Variants in KCNE1 observed in about 807,000 individuals in gnomAD.
The protein encoded by KCNE1 is potassium voltage-gated channel subfamily E regulatory subunit 1.
Under a neutral mutation model 2.9 loss-of-function variants are expected in KCNE1, and 1 was observed. The observed-to-expected ratio is 0.34, with a 90% CI of 0.12 to 1.62. The LOEUF is 1.62. Ranked by LOEUF, KCNE1 falls within the 40% of genes most tolerant of loss-of-function variation. KCNE1 has a pLI of 0.36. For synonymous variants in KCNE1, 23 were observed against 65.4 expected, an observed-to-expected ratio of 0.35 and a Z score of 3.13; for missense variants, 45 against 150.5, an observed-to-expected ratio of 0.30 and a Z score of 3.67.
chr21:34,505,040 C>A (rs1240470975), intron 2 of KCNE1, among the ~76,000 whole-genome samples: 1 of 152,210 alleles, frequency 6.6e-6, no homozygotes. Context: ...TGATCATACA[C>A]ATTAAATGGG....
At chr21:34,499,008 C>T (rs1352290605) in intron 2 of KCNE1, among the ~76,000 whole-genome samples, 1 of 152,140 alleles carries the variant, frequency 6.6e-6, no homozygotes, top group Non-Finnish European at 1.5e-5. Flanking sequence ...AGAGAAATAT[C>T]CATCATGTGG....
Position 34,498,594 on chromosome 21 carries a change from C to T in KCNE1, c.-162+12507G>A, listed in dbSNP as rs535293663. 2.6e-5 allele frequency among the ~76,000 whole-genome samples: 4 copies of T among 152,316 alleles called. No homozygotes were observed. In the East Asian group the frequency reaches 5.8e-4, roughly 22 times the overall value. ...AGCCATAGCTACCAGCACCTGCTCT[C>T]GTGGAGGTGGCCAGGGAATGAAGTA... is the stretch of plus-strand genomic sequence containing the variant. On this transcript the variant is annotated intron_variant, in intron 2 of 3. Coordinates refer to ENST00000399286, the MANE Select transcript of KCNE1 (RefSeq NM_000219.6).
At chr21:34,500,338 TC>T (rs1983089232) in intron 2 of KCNE1, among the ~76,000 whole-genome samples, 1 of 152,262 alleles carries the variant, frequency 6.6e-6, no homozygotes, top group African/African-American at 2.4e-5. Flanking sequence ...TGTAACACTT[TC>T]TGTTCCCAGA....
intron 2 of KCNE1, among the ~76,000 whole-genome samples, chr21:34,508,098 C>A (rs565533433): frequency 1.3e-5 from 2 of 152,004 alleles, no homozygotes; most frequent in South Asian, 4.1e-4. Flanking sequence ...GCAATCTCAG[C>A]TCAACACAAA....
intron 2 of KCNE1, among the ~76,000 whole-genome samples, chr21:34,505,294 C>T (rs371140134): frequency 1.4e-4 from 22 of 152,208 alleles, no homozygotes; most frequent in African/African-American, 5.1e-4. Context: ...ACACCACACC[C>T]GACTAATCTT....
chr21:34,499,146 G>T (rs769760210), intron 2 of KCNE1, among the ~76,000 whole-genome samples: 2 of 152,182 alleles, frequency 1.3e-5, no homozygotes, highest in Non-Finnish European at 2.9e-5. Flanking sequence ...GGCTGCGTCT[G>T]TTGCATTATA....
In KCNE1 at chr21:34,449,248, TG is replaced by T; in HGVS notation, c.386del (p.Pro129HisfsTer17). The T allele has an allele frequency of 1.2e-6, 1 of 860,874 alleles. No individual in the cohort carries two copies. Among genetic ancestry groups the T allele is most frequent in the Non-Finnish European group, 1.9e-6 (1 of 527,554 alleles). The allele number at this position is 860,874 out of a possible 1,614,324, so 53.3% of individuals were successfully genotyped here. ...CAGTTTTAGCCAGTGGTGGGGTTCA[TG>T]GGGAAGGCTTCGTCTCAGGAAGGTG... The part of the protein sequence containing the change: ...NTHLPETKPS[P>X] On this transcript the variant is annotated frameshift_variant, in exon 4 of 4. Transcript: ENST00000399286. LOFTEE classifies it high-confidence loss of function.
At chr21:34,508,190 CT>C (rs796940352) in intron 2 of KCNE1, among the ~76,000 whole-genome samples, 11,173 of 137,500 alleles carry the variant, frequency 0.081, 524 homozygotes, top group African/African-American at 0.14. Flanking sequence ...CCACTCCTAG[CT>C]TTTTTTTTTT....
At chr21:34,507,686 T>C (rs1483770536) in intron 2 of KCNE1, among the ~76,000 whole-genome samples, 1 of 152,170 alleles carries the variant, frequency 6.6e-6, no homozygotes, top group Non-Finnish European at 1.5e-5. Context: ...CTTACTGCAA[T>C]GTCTTTGCTT....
chr21:34,499,231 C>T (rs895105141), intron 2 of KCNE1, among the ~76,000 whole-genome samples: 11 of 152,184 alleles, frequency 7.2e-5, no homozygotes, highest in Non-Finnish European at 1.3e-4. Context: ...CGATCTTGCT[C>T]CTTCTGTATC....
chr21:34,505,153 A>T (rs1439965650), intron 2 of KCNE1, among the ~76,000 whole-genome samples: 4 of 152,166 alleles, frequency 2.6e-5, no homozygotes, highest in Admixed American at 6.6e-5. Flanking sequence ...ATTTATTTTG[A>T]GACAGAGTCT....
chr21:34,498,745 G>A (rs1982962109), intron 2 of KCNE1, among the ~76,000 whole-genome samples: 2 of 152,254 alleles, frequency 1.3e-5, no homozygotes, highest in South Asian at 2.1e-4. Context: ...GATGTTGCAG[G>A]CAGTGGAATT....
At chr21:34,508,334 A>ATATTT (rs992761969) in intron 2 of KCNE1, among the ~76,000 whole-genome samples, 3 of 149,536 alleles carry the variant, frequency 2.0e-5, no homozygotes, top group Non-Finnish European at 4.4e-5. Context: ...GCTGGGTTTT[A>ATATTT]TATTTTATTT....
At chr21:34,506,426 G>C (rs538065091) in intron 2 of KCNE1, among the ~76,000 whole-genome samples, 1 of 152,222 alleles carries the variant, frequency 6.6e-6, no homozygotes, top group Non-Finnish European at 1.5e-5. Context: ...GGGAAAGCCA[G>C]GCCCAAGTTT....
At chr21:34,496,105 C>T (rs979614583) in intron 2 of KCNE1, among the ~76,000 whole-genome samples, 1 of 151,802 alleles carries the variant, frequency 6.6e-6, no homozygotes, top group African/African-American at 2.4e-5. Context: ...GATGGAGTCT[C>T]ACTCTGTGGC....
intron 2 of KCNE1, among the ~76,000 whole-genome samples, chr21:34,501,923 T>C (rs1983192732): frequency 2.0e-5 from 3 of 152,228 alleles, no homozygotes; most frequent in Admixed American, 2.0e-4. Context: ...CACCATTGTC[T>C]GTATGCCCTG....
chr21:34,506,022 G>A lies in KCNE1; in HGVS notation c.-162+5079C>T, dbSNP rs575127034. On this transcript the variant is annotated intron_variant, in intron 2 of 3. Transcript: ENST00000399286. ...TTTTGAAATTACTTCGACATCTACT[G>A]TCAGGTGACTTGTAAAAGCGCTTGT... 5.9e-5 allele frequency among the ~76,000 whole-genome samples: 9 copies of A among 152,330 alleles called. No individual in the cohort carries two copies. In the South Asian group the frequency reaches 1.9e-3, roughly 32 times the overall value.
At chr21:34,504,162 G>A (rs548573011) in intron 2 of KCNE1, among the ~76,000 whole-genome samples, 42 of 152,308 alleles carry the variant, frequency 2.8e-4, no homozygotes, top group African/African-American at 7.9e-4. Flanking sequence ...CAACCACTCC[G>A]TCGTGGAGGG....
Position 34,508,660 on chromosome 21 carries a change from C to T in KCNE1, c.-162+2441G>A, listed in dbSNP as rs116440220. Among the ~76,000 whole-genome samples the T allele has an allele frequency of 7.9e-3, 1,203 of 152,254 alleles. 21 individuals are homozygous for T. The highest frequency in any genetic ancestry group is 0.027 in the African/African-American group (1,135 of 41,538). Reference sequence around the variant, plus strand: ...GCCCAGACTGGGGTTTTTTAATTTTCACTATTATTTTTTAATAGAAAGCAT... The same window carrying T: ...GCCCAGACTGGGGTTTTTTAATTTTTACTATTATTTTTTAATAGAAAGCAT... On this transcript the variant is annotated intron_variant, in intron 2 of 3. Transcript: ENST00000399286.
Sources: allele counts gnomAD v4.1 joint callset (sites outside exome capture counted in the v4.1 genomes callset), GRCh38; gene constraint gnomAD v4.1.1; transcripts MANE v1.5; gene names NCBI Gene and HGNC (gene_info 2026-07-23, HGNC 2026-07-21).